The following ANKS1B variants were observed in gnomAD, a reference collection of about 807,000 sequenced individuals.
ANKS1B encodes the protein ankyrin repeat and sterile alpha motif domain containing 1B.
A neutral mutation model predicts 148.3 loss-of-function variants in ANKS1B; 36 were observed. The ratio of observed to expected loss-of-function variants is 0.24; its 90% CI spans 0.19 to 0.32. The LOEUF (loss-of-function observed/expected upper bound fraction) is 0.32, where lower values mean the gene tolerates loss of function less well. ANKS1B is among the 10% of genes least tolerant of loss of function. The probability of loss-of-function intolerance (pLI) is 1.00; values close to 1 mark genes in which losing one functional copy is unlikely to be tolerated. For missense variants in ANKS1B, 1,157 were observed against 1,542.6 expected, an observed-to-expected ratio of 0.75 and a Z score of 4.19; for synonymous variants, 542 against 560.8, an observed-to-expected ratio of 0.97 and a Z score of 0.47.
intron 5 of ANKS1B, among the ~76,000 whole-genome samples, chr12:99,781,686 G>A (rs1245027076): frequency 6.6e-6 from 1 of 152,144 alleles, no homozygotes; most frequent in African/African-American, 2.4e-5. Flanking sequence ...TCAAGCAATT[G>A]TGAAAATTTC....
intron 2 of ANKS1B, among the ~76,000 whole-genome samples, chr12:99,818,933 A>C (rs2082187908): frequency 6.6e-6 from 1 of 151,834 alleles, no homozygotes; most frequent in African/African-American, 2.4e-5. Context: ...TAAATTGGGA[A>C]GAGTCAACCT....
intron 1 of ANKS1B, among the ~76,000 whole-genome samples, chr12:99,904,250 G>A (rs1281798274): frequency 1.3e-5 from 2 of 151,308 alleles, no homozygotes; most frequent in Non-Finnish European, 2.9e-5. Flanking sequence ...GGAGTGCAAT[G>A]GCATGATCTC....
chr12:99,220,449 C>CTTTTTT (rs5800380), intron 14 of ANKS1B, among the ~76,000 whole-genome samples: 9 of 112,710 alleles, frequency 8.0e-5, no homozygotes, highest in East Asian at 2.4e-4. Flanking sequence ...AGTAGCATTT[C>CTTTTTT]TTTTTTTTTT....
chr12:99,720,500 C>T (rs2057963654), intron 8 of ANKS1B, among the ~76,000 whole-genome samples: 1 of 152,172 alleles, frequency 6.6e-6, no homozygotes, highest in Non-Finnish European at 1.5e-5. Flanking sequence ...TTCAGTTAAA[C>T]CTTTATTTCC....
At chr12:99,643,795 TC>T (rs1194075250) in intron 9 of ANKS1B, among the ~76,000 whole-genome samples, 1 of 152,198 alleles carries the variant, frequency 6.6e-6, no homozygotes, top group Non-Finnish European at 1.5e-5. Context: ...TCAGCGTAAT[TC>T]ATCTCATCAT....
At chr12:98,852,730 C>A (rs2099537226) in intron 17 of ANKS1B, among the ~76,000 whole-genome samples, 1 of 152,150 alleles carries the variant, frequency 6.6e-6, no homozygotes, top group African/African-American at 2.4e-5. Context: ...TATCTTTCTG[C>A]CACAAAGCCT....
intron 9 of ANKS1B, among the ~76,000 whole-genome samples, chr12:99,631,241 A>G (rs184906347): frequency 1.3e-5 from 2 of 152,276 alleles, no homozygotes; most frequent in African/African-American, 4.8e-5. Flanking sequence ...TAAAATACAA[A>G]TTTATTTTCT....
At chr12:99,287,066 C>A (rs1317471947) in intron 12 of ANKS1B, among the ~76,000 whole-genome samples, 2 of 151,896 alleles carry the variant, frequency 1.3e-5, no homozygotes, top group African/African-American at 4.9e-5. Context: ...TCGGTGGTAG[C>A]CAGGCAGTGG....
chr12:99,026,975 A>T (rs2099949117), intron 17 of ANKS1B, among the ~76,000 whole-genome samples: 1 of 152,198 alleles, frequency 6.6e-6, no homozygotes, highest in Non-Finnish European at 1.5e-5. Context: ...CCTTTTGTAA[A>T]GCAGAAAGTC....
In ANKS1B at chr12:99,648,418, C is replaced by G. The variant is rs747261860; in HGVS notation, c.1272+6649G>C. On this transcript the variant is annotated intron_variant, in intron 9 of 26. Transcript: ENST00000683438. Reference sequence around the variant, plus strand: ...CGTTCGCACCAGCCCCTGCCTCACACTACCTGATGTCATGCTGCTGGCCCG... The same window carrying G: ...CGTTCGCACCAGCCCCTGCCTCACAGTACCTGATGTCATGCTGCTGGCCCG... The G allele has an allele frequency of 4.3e-6, 7 of 1,614,216 alleles. No homozygotes were observed. The South Asian group carries it at 6.6e-5, about 15-fold the overall frequency.
intron 12 of ANKS1B, among the ~76,000 whole-genome samples, chr12:99,371,925 G>A (rs560833163): frequency 7.8e-4 from 119 of 152,076 alleles, no homozygotes; most frequent in Middle Eastern, 3.4e-3. Context: ...ATTTAACTAC[G>A]TTAGTAAATG....
chr12:98,918,005 A>G (rs569490312), intron 17 of ANKS1B, among the ~76,000 whole-genome samples: 1 of 152,354 alleles, frequency 6.6e-6, no homozygotes, highest in South Asian at 2.1e-4. Flanking sequence ...GAAAATAAGT[A>G]GAGAGGCTAT....
chr12:98,898,129 G>A (rs1267318304), intron 17 of ANKS1B, among the ~76,000 whole-genome samples: 1 of 152,058 alleles, frequency 6.6e-6, no homozygotes, highest in Non-Finnish European at 1.5e-5. Flanking sequence ...TGGGGGATGA[G>A]TACACTAGAA....
chr12:99,234,867 C>T (rs1225419053), intron 14 of ANKS1B, among the ~76,000 whole-genome samples: 1 of 152,044 alleles, frequency 6.6e-6, no homozygotes, highest in Non-Finnish European at 1.5e-5. Context: ...TCTAATTAAA[C>T]CTACCCTTGA....
chr12:99,093,357 G>C (rs2054751387), intron 15 of ANKS1B: 1 of 152,234 alleles, frequency 6.6e-6, no homozygotes, highest in African/African-American at 2.4e-5. Context: ...CCTGCTGTGA[G>C]GCAGGAAGTA....
At chr12:98,921,900 T>A (rs1031335473) in intron 17 of ANKS1B, among the ~76,000 whole-genome samples, 1 of 152,154 alleles carries the variant, frequency 6.6e-6, no homozygotes, top group African/African-American at 2.4e-5. Flanking sequence ...GAACCAAAAT[T>A]CTGTACCTTT....
intron 1 of ANKS1B, among the ~76,000 whole-genome samples, chr12:99,826,846 C>T (rs2083253169): frequency 6.6e-6 from 1 of 152,166 alleles, no homozygotes; most frequent in Admixed American, 6.5e-5. Flanking sequence ...CTCAGTGACT[C>T]ATGCCTGTAA....
intron 9 of ANKS1B, among the ~76,000 whole-genome samples, chr12:99,545,772 T>C (rs2097167430): frequency 8.7e-6 from 1 of 115,186 alleles, no homozygotes; most frequent in Non-Finnish European, 1.8e-5. Context: ...ATTTTACACA[T>C]ATATAAATTA....
At chr12:98,775,816 A>C (rs527861945) in intron 24 of ANKS1B, among the ~76,000 whole-genome samples, 33 of 152,110 alleles carry the variant, frequency 2.2e-4, no homozygotes, top group Non-Finnish European at 4.1e-4. Flanking sequence ...GGGAGGCCTG[A>C]CCTCTGTGAT....
Sources: allele counts gnomAD v4.1 joint callset (sites outside exome capture counted in the v4.1 genomes callset), GRCh38; gene constraint gnomAD v4.1.1; transcripts MANE v1.5; gene names NCBI Gene and HGNC (gene_info 2026-07-23, HGNC 2026-07-21).